Variants in RBFOX1 observed in about 807,000 individuals in gnomAD.
RBFOX1 encodes the protein RNA binding fox-1 homolog 1, also known as RNA binding protein fox-1 homolog 1.
A neutral mutation model predicts 57.7 loss-of-function variants in RBFOX1; 8 were observed. That is an observed-to-expected ratio of 0.14 (90% CI 0.08 to 0.25). The LOEUF (loss-of-function observed/expected upper bound fraction) is 0.25. Among genes scored for constraint, RBFOX1 ranks in the 10% least tolerant of loss-of-function variants. The pLI, the probability that RBFOX1 is intolerant of heterozygous loss-of-function variation, is 1.00. For missense variants in RBFOX1, 611 were observed against 548.5 expected (o/e 1.11, Z -1.14); for synonymous variants, 326 against 222.4 (o/e 1.47, Z -4.15).
At chr16:5,623,554 G>A (rs1018299333) in intron 3 of RBFOX1, among the ~76,000 whole-genome samples, 3 of 152,104 alleles carry the variant, frequency 2.0e-5, no homozygotes, top group Admixed American at 6.5e-5. Flanking sequence ...GCAGGTGGCC[G>A]GAGGACCACA....
chr16:5,948,126 C>G (rs1230120551), intron 4 of RBFOX1, among the ~76,000 whole-genome samples: 1 of 152,142 alleles, frequency 6.6e-6, no homozygotes, highest in Admixed American at 6.5e-5. Context: ...GCAGTTGAAA[C>G]AGGACAGGGG....
At chr16:5,676,593 G>A (rs1024995758) in intron 3 of RBFOX1, among the ~76,000 whole-genome samples, 10 of 152,110 alleles carry the variant, frequency 6.6e-5, no homozygotes, top group African/African-American at 2.4e-4. Flanking sequence ...GGGTGTGGTG[G>A]CTCATACCTG....
chr16:6,947,361 C>G lies in RBFOX1; in HGVS notation c.-15-104696C>G, dbSNP rs1047822719. On this transcript the variant is annotated intron_variant, in intron 3 of 15. Transcript: ENST00000550418. Reference sequence around the variant, plus strand: ...TAACATTATGAAGACACCTGGGTGCCTGAGCCTTTTGCATCTTAATCGCTC... The same window carrying G: ...TAACATTATGAAGACACCTGGGTGCGTGAGCCTTTTGCATCTTAATCGCTC... 5.3e-5 allele frequency among the ~76,000 whole-genome samples: 8 copies of G among 152,262 alleles called. 1 individual carries two copies. In the East Asian group the frequency reaches 1.5e-3, roughly 29 times the overall value.
Position 7,485,465 on chromosome 16 carries a change from C to T in RBFOX1, c.28-32682C>T, listed in dbSNP as rs2065136975. 2.6e-5 allele frequency among the ~76,000 whole-genome samples: 4 copies of T among 152,218 alleles called. No homozygotes were observed. The South Asian group carries it at 8.3e-4, about 31-fold the overall frequency. On this transcript the variant is annotated intron_variant, in intron 4 of 15. Transcript: ENST00000550418. ...TTTCCTTGAATCCAGCTGAATGCTT[C>T]AACCTCCCACATGTGCTTTTTTTAG... is the stretch of plus-strand genomic sequence containing the variant.
intron 2 of RBFOX1, among the ~76,000 whole-genome samples, chr16:6,426,064 G>GTCTC (rs113507231): frequency 6.8e-6 from 1 of 146,690 alleles, no homozygotes; most frequent in African/African-American, 2.5e-5. Context: ...CTGTTTCTCT[G>GTCTC]TCTCTCTGTC....
At chr16:7,688,819 TA>T (rs1347817615) in intron 14 of RBFOX1, among the ~76,000 whole-genome samples, 1 of 152,134 alleles carries the variant, frequency 6.6e-6, no homozygotes, top group Non-Finnish European at 1.5e-5. Context: ...AATATGTTTT[TA>T]ATTCTTTCTC....
At chr16:6,267,052 C>T (rs898881943) in intron 1 of RBFOX1, among the ~76,000 whole-genome samples, 3 of 152,274 alleles carry the variant, frequency 2.0e-5, no homozygotes, top group East Asian at 1.9e-4. Context: ...TAGTGAAAAG[C>T]GGTATCCACC....
intron 4 of RBFOX1, among the ~76,000 whole-genome samples, chr16:7,364,581 A>C (rs1052173589): frequency 6.6e-6 from 1 of 150,510 alleles, no homozygotes; most frequent in Non-Finnish European, 1.5e-5. Flanking sequence ...AGACCAAAAA[A>C]AAAAAAAACA....
intron 4 of RBFOX1, among the ~76,000 whole-genome samples, chr16:7,437,590 C>T (rs1051932977): frequency 9.2e-5 from 14 of 152,138 alleles, no homozygotes; most frequent in African/African-American, 3.4e-4. Flanking sequence ...GAAACTGCTC[C>T]CCGGCAACAT....
chr16:5,627,946 C>G (rs188211010), intron 3 of RBFOX1, among the ~76,000 whole-genome samples: 23 of 152,282 alleles, frequency 1.5e-4, no homozygotes, highest in African/African-American at 5.1e-4. Flanking sequence ...CTAATTAAAA[C>G]TGGTGAGAAG....
intron 4 of RBFOX1, among the ~76,000 whole-genome samples, chr16:7,422,583 A>T (rs934506463): frequency 2.6e-5 from 4 of 152,142 alleles, no homozygotes; most frequent in African/African-American, 9.7e-5. Flanking sequence ...CATTAACCGG[A>T]TGGAGCAGTG....
rs13334021 is a variant in RBFOX1 at position 5,299,509 on chromosome 16, A to G, written c.219+59404A>G. On this transcript the variant is annotated intron_variant, in intron 1 of 2. Coordinates refer to the RBFOX1 transcript ENST00000585867. ...GTGTTTAACTTCATGAGAAACTGTTAAACAGTTTTCCAAAGTGGTTTCACC... is the reference window on the plus strand; with the variant it reads ...GTGTTTAACTTCATGAGAAACTGTTGAACAGTTTTCCAAAGTGGTTTCACC... 2.3e-3 allele frequency among the ~76,000 whole-genome samples: 356 copies of G among 152,350 alleles called. 5 individuals carry two copies. The highest frequency in any genetic ancestry group is 8.0e-3 in the African/African-American group (332 of 41,574).
intron 4 of RBFOX1, among the ~76,000 whole-genome samples, chr16:7,441,905 A>T (rs1421243450): frequency 6.6e-6 from 1 of 152,026 alleles, no homozygotes; most frequent in East Asian, 1.9e-4. Flanking sequence ...CCACAAATAA[A>T]CGTGCCCAGA....
At chr16:6,245,866 G>A (rs1406479460) in intron 1 of RBFOX1, among the ~76,000 whole-genome samples, 1 of 152,086 alleles carries the variant, frequency 6.6e-6, no homozygotes, top group Non-Finnish European at 1.5e-5. Flanking sequence ...ATCTCCGCTT[G>A]GTTTTGTTGA....
intron 4 of RBFOX1, among the ~76,000 whole-genome samples, chr16:7,389,105 C>G (rs191214417): frequency 2.0e-5 from 3 of 152,134 alleles, no homozygotes; most frequent in Admixed American, 6.5e-5. Context: ...ACAAGTTGGT[C>G]TATTTCTTTG....
intron 1 of RBFOX1, among the ~76,000 whole-genome samples, chr16:5,281,021 A>G (rs1250040056): frequency 6.6e-6 from 1 of 152,034 alleles, no homozygotes; most frequent in African/African-American, 2.4e-5. Flanking sequence ...GAGGTGCATC[A>G]TTAGGTTGTT....
chr16:5,303,712 A>ATT (rs57088248), intron 1 of RBFOX1, among the ~76,000 whole-genome samples: 7 of 143,100 alleles, frequency 4.9e-5, no homozygotes, highest in African/African-American at 1.8e-4. Flanking sequence ...ATTCCTCTTC[A>ATT]TTTTTTTTTT....
intron 3 of RBFOX1, among the ~76,000 whole-genome samples, chr16:5,749,653 C>T (rs1354521528): frequency 1.3e-5 from 2 of 152,190 alleles, no homozygotes; most frequent in Admixed American, 6.5e-5. Flanking sequence ...TCCAGTTGAT[C>T]GAATCGGCTG....
intron 4 of RBFOX1, among the ~76,000 whole-genome samples, chr16:5,943,317 T>C (rs2059319812): frequency 6.6e-6 from 1 of 152,248 alleles, no homozygotes; most frequent in African/African-American, 2.4e-5. Context: ...GAATCTCCAG[T>C]TGATTCTGCA....
Sources: allele counts gnomAD v4.1 joint callset (sites outside exome capture counted in the v4.1 genomes callset), GRCh38; gene constraint gnomAD v4.1.1; transcripts MANE v1.5; gene names NCBI Gene and HGNC (gene_info 2026-07-23, HGNC 2026-07-21).